Variants in RGS20 observed in about 807,000 individuals in gnomAD.
RGS20 encodes the protein gz-selective GTPase-activating protein.
Under a neutral mutation model 33.6 loss-of-function variants are expected in RGS20, and 30 were observed. That is an observed-to-expected ratio of 0.89 (90% CI 0.67 to 1.21). RGS20 has a LOEUF of 1.21. Ranked by LOEUF, RGS20 falls within the 50% of genes most tolerant of loss-of-function variation. The probability of loss-of-function intolerance (pLI) is 0.00; values close to 1 mark genes in which losing one functional copy is unlikely to be tolerated. For missense variants in RGS20, 472 were observed against 502.4 expected (o/e 0.94, Z 0.58); for synonymous variants, 208 against 197.9 (o/e 1.05, Z -0.43).
chr8:53,862,883 A>T (rs956107281), intron 1 of RGS20, among the ~76,000 whole-genome samples: 1 of 152,190 alleles, frequency 6.6e-6, no homozygotes, highest in Non-Finnish European at 1.5e-5. Flanking sequence ...TCCATCAGAA[A>T]TGGGCTGGGT....
intron 1 of RGS20, among the ~76,000 whole-genome samples, chr8:53,878,429 C>T (rs188185737): frequency 1.3e-5 from 2 of 152,180 alleles, no homozygotes; most frequent in East Asian, 3.9e-4. Flanking sequence ...TAGTGCTTCC[C>T]TCCACTTTCC....
rs999311641 is a variant in RGS20, at chr8:53,925,487, A to T, written c.511-14089A>T. 9.9e-5 allele frequency among the ~76,000 whole-genome samples: 15 copies of T among 152,172 alleles called. No individual in the cohort carries two copies. In the East Asian group the frequency reaches 2.9e-3, roughly 29 times the overall value. On this transcript the variant is annotated intron_variant, in intron 2 of 5. Coordinates refer to ENST00000297313, the MANE Select transcript of RGS20 (RefSeq NM_170587.4). ...TGCAGGAAAACAAAGTTAGAAGTTAAAACTAGGTGGCTGGATGTGGTGGCT... is the reference window on the plus strand; with the variant it reads ...TGCAGGAAAACAAAGTTAGAAGTTATAACTAGGTGGCTGGATGTGGTGGCT...
At chr8:53,947,266 A>C (rs1814520182) in intron 4 of RGS20, among the ~76,000 whole-genome samples, 1 of 143,522 alleles carries the variant, frequency 7.0e-6, no homozygotes, top group African/African-American at 2.5e-5. Flanking sequence ...TATACATGCT[A>C]TATAAGATAT....
chr8:53,871,123 A>G, intron 1 of RGS20, among the ~76,000 whole-genome samples: 1 of 145,094 alleles, frequency 6.9e-6, no homozygotes, highest in Admixed American at 6.7e-5. Context: ...AAAAAAAAAA[A>G]AAAAAAAAAA....
chr8:53,944,136 A>G lies in RGS20; in HGVS notation c.660-2529A>G, dbSNP rs1053379391. On this transcript the variant is annotated intron_variant, in intron 3 of 5. Coordinates refer to ENST00000297313, the MANE Select transcript of RGS20 (RefSeq NM_170587.4). ...AAAATACAGTAGCAACAAGATAAAGAAAACCCAAATTGTCAGTGATAAAAT... is the reference window on the plus strand; with the variant it reads ...AAAATACAGTAGCAACAAGATAAAGGAAACCCAAATTGTCAGTGATAAAAT... Among the ~76,000 whole-genome samples, 27 of 152,326 alleles carry G rather than the reference A, an allele frequency of 1.8e-4. No individual in the cohort carries two copies. In the East Asian group the frequency reaches 5.0e-3, roughly 28 times the overall value.
intron 1 of RGS20, among the ~76,000 whole-genome samples, chr8:53,861,886 AGCTTCC>A (rs1273742023): frequency 2.6e-5 from 4 of 152,212 alleles, no homozygotes; most frequent in African/African-American, 9.6e-5. Flanking sequence ...AAGATCTCTA[AGCTTCC>A]CCTTTCCCAG....
At chr8:53,864,987 G>A (rs763731763) in intron 1 of RGS20, among the ~76,000 whole-genome samples, 1 of 152,140 alleles carries the variant, frequency 6.6e-6, no homozygotes, top group Non-Finnish European at 1.5e-5. Context: ...ATCAATGCCC[G>A]CTAACAAGTT....
At chr8:53,949,861 A>T (rs1371392344) in intron 4 of RGS20, among the ~76,000 whole-genome samples, 5 of 147,400 alleles carry the variant, frequency 3.4e-5, no homozygotes, top group Admixed American at 6.8e-5. Flanking sequence ...TTTTTTTGAG[A>T]TGGAGTCTAG....
At chr8:53,920,535 T>C (rs1213141669) in intron 2 of RGS20, among the ~76,000 whole-genome samples, 1 of 152,246 alleles carries the variant, frequency 6.6e-6, no homozygotes, top group African/African-American at 2.4e-5. Context: ...TTATTTTTCT[T>C]GCCTTACTGC....
chr8:53,927,389 G>C (rs1439461477), intron 2 of RGS20, among the ~76,000 whole-genome samples: 2 of 151,918 alleles, frequency 1.3e-5, no homozygotes, highest in East Asian at 3.9e-4. Flanking sequence ...TTTTTGTGTA[G>C]AGATGGGGTT....
At chr8:53,883,311 C>G (rs1160642521) in intron 2 of RGS20, among the ~76,000 whole-genome samples, 1 of 151,922 alleles carries the variant, frequency 6.6e-6, no homozygotes, top group Non-Finnish European at 1.5e-5. Context: ...TACAGGCATG[C>G]GCCACCACTC....
chr8:53,880,894 G>A (rs1017328914), intron 2 of RGS20: 9 of 1,495,554 alleles, frequency 6.0e-6, no homozygotes, highest in Non-Finnish European at 7.1e-6. Flanking sequence ...GGAAGAGGCC[G>A]GGAGAAGAGG....
At chr8:53,945,699 TGAGGTTAG>T (rs1295385969) in intron 3 of RGS20, among the ~76,000 whole-genome samples, 1 of 152,048 alleles carries the variant, frequency 6.6e-6, no homozygotes, top group African/African-American at 2.4e-5. Flanking sequence ...GTGGATCACT[TGAGGTTAG>T]GAGTTTGAAA....
chr8:53,949,403 T>A (rs1021942392), intron 4 of RGS20, among the ~76,000 whole-genome samples: 6 of 150,888 alleles, frequency 4.0e-5, no homozygotes, highest in African/African-American at 1.2e-4. Flanking sequence ...AGTTATATTT[T>A]AAAAATAAAA....
chr8:53,954,323 G>A lies in RGS20; in HGVS notation c.978+13G>A, dbSNP rs376301250. ...TTCTCCTAAGGAGGTATGTGACCAC[G>A]AGATGCCTTTTCCCAAGGCTGTTGG... On this transcript the variant is annotated intron_variant, in intron 5 of 5. Transcript: ENST00000297313. 699 of 1,527,114 alleles carry A rather than the reference G, an allele frequency of 4.6e-4. No individual in the cohort carries two copies. Among genetic ancestry groups the A allele is most frequent in the Non-Finnish European group, 6.0e-4 (662 of 1,103,234 alleles). The allele number at this position is 1,527,114 out of a possible 1,614,324, so 94.6% of individuals were successfully genotyped here.
intron 3 of RGS20, among the ~76,000 whole-genome samples, chr8:53,945,014 A>G (rs1814432175): frequency 6.6e-6 from 1 of 152,204 alleles, no homozygotes; most frequent in Admixed American, 6.5e-5. Flanking sequence ...TACCATGTGA[A>G]ATGGTGCAAT....
intron 2 of RGS20, among the ~76,000 whole-genome samples, chr8:53,922,210 ATTG>A (rs1214546362): frequency 2.0e-5 from 3 of 152,180 alleles, no homozygotes; most frequent in Non-Finnish European, 2.9e-5. Flanking sequence ...TATATTTATA[ATTG>A]TTGTATCTTC....
At position 53,958,561 on chromosome 8, in the gene RGS20, A is replaced by G; in HGVS notation, c.*103A>G. The stretch of plus-strand genomic sequence containing the variant: ...TTGTAGCATCTTCTGCTGGAGTAAT[A>G]CTCAGGCTATTCTAATAACAGATGA... On this transcript the variant is annotated 3_prime_UTR_variant, in exon 6 of 6. Coordinates refer to ENST00000297313, the MANE Select transcript of RGS20 (RefSeq NM_170587.4). 1.9e-6 allele frequency: 1 copy of G among 533,008 alleles called. No individual in the cohort carries two copies. The allele number at this position is 533,008 out of a possible 1,614,324, so 33.0% of individuals were successfully genotyped here.
At chr8:53,957,894 C>T (rs754725641) in intron 5 of RGS20, among the ~76,000 whole-genome samples, 1 of 152,122 alleles carries the variant, frequency 6.6e-6, no homozygotes, top group Non-Finnish European at 1.5e-5. Context: ...TGCCTGTAAT[C>T]CCAGCAGCTA....
Sources: allele counts gnomAD v4.1 joint callset (sites outside exome capture counted in the v4.1 genomes callset), GRCh38; gene constraint gnomAD v4.1.1; transcripts MANE v1.5; gene names NCBI Gene and HGNC (gene_info 2026-07-23, HGNC 2026-07-21).